The following CNTLN variants were observed in gnomAD, a reference collection of about 807,000 sequenced individuals.
CNTLN encodes centlein, also known as centlein, centrosomal protein.
Under a neutral mutation model 180.0 loss-of-function variants are expected in CNTLN, and 212 were observed. The ratio of observed to expected loss-of-function variants is 1.18; its 90% CI spans 1.05 to 1.32. CNTLN has a LOEUF of 1.32. Among genes scored for constraint, CNTLN ranks in the 40% most tolerant of loss-of-function variants. The pLI, the probability that CNTLN is intolerant of heterozygous loss-of-function variation, is 0.00. For missense variants in CNTLN, 2,095 were observed against 1,610.9 expected (o/e 1.30, Z -5.14); for synonymous variants, 722 against 563.1 (o/e 1.28, Z -3.99).
chr9:17,230,684 G>A (rs1034307913), intron 3 of CNTLN, among the ~76,000 whole-genome samples: 1 of 152,054 alleles, frequency 6.6e-6, no homozygotes, highest in Non-Finnish European at 1.5e-5. Context: ...CTCTGAGTGT[G>A]TTTAAAGATG....
intron 18 of CNTLN, among the ~76,000 whole-genome samples, chr9:17,420,427 T>C (rs1828625423): frequency 6.6e-6 from 1 of 152,214 alleles, no homozygotes; most frequent in Non-Finnish European, 1.5e-5. Context: ...TTTTCACCTC[T>C]GATATTATTT....
At chr9:17,441,641 G>A (rs1830116481) in intron 18 of CNTLN, among the ~76,000 whole-genome samples, 1 of 150,996 alleles carries the variant, frequency 6.6e-6, no homozygotes, top group South Asian at 2.1e-4. Flanking sequence ...AGCAACAGAG[G>A]AAAAGACAGA....
chr9:17,527,229 T>A, the CNTLN span, among the ~76,000 whole-genome samples: 2 of 152,116 alleles, frequency 1.3e-5, no homozygotes, highest in African/African-American at 2.4e-5. Context: ...CACTGTCCAT[T>A]ACTGTGACAC....
At chr9:17,180,188 C>T (rs1292477372) in intron 2 of CNTLN, among the ~76,000 whole-genome samples, 4 of 146,932 alleles carry the variant, frequency 2.7e-5, no homozygotes, top group Non-Finnish European at 6.0e-5. Flanking sequence ...TTAGCATTTA[C>T]GTGTGTCATT....
chr9:17,319,022 G>A (rs989888643), intron 8 of CNTLN, among the ~76,000 whole-genome samples: 12 of 152,234 alleles, frequency 7.9e-5, no homozygotes, highest in Non-Finnish European at 1.8e-4. Flanking sequence ...GTTACAAAAT[G>A]TGTTGTAATT....
chr9:17,233,395 T>A (rs1465190214), intron 3 of CNTLN, among the ~76,000 whole-genome samples: 2 of 152,172 alleles, frequency 1.3e-5, no homozygotes, highest in Admixed American at 6.6e-5. Flanking sequence ...TATAAGTTTA[T>A]TCCTTTAACT....
At chr9:17,339,682 T>C (rs1331043235) in intron 10 of CNTLN, among the ~76,000 whole-genome samples, 1 of 152,238 alleles carries the variant, frequency 6.6e-6, no homozygotes, top group East Asian at 1.9e-4. Context: ...GAATAACAGT[T>C]ATTAAAATAT....
chr9:17,272,025 CCCTTCCTT>C (rs1248902785), intron 5 of CNTLN, among the ~76,000 whole-genome samples: 6 of 144,146 alleles, frequency 4.2e-5, no homozygotes, highest in Admixed American at 3.5e-4. Flanking sequence ...CTCCCTCCCT[CCCTTCCTT>C]CCTTTTTTCC....
chr9:17,146,107 C>G (rs1054423528), intron 2 of CNTLN, among the ~76,000 whole-genome samples: 1 of 152,154 alleles, frequency 6.6e-6, no homozygotes, highest in Non-Finnish European at 1.5e-5. Context: ...TCAACATCAT[C>G]TGTTTATTTG....
At chr9:17,290,853 C>T (rs891129728) in intron 6 of CNTLN, among the ~76,000 whole-genome samples, 5 of 152,212 alleles carry the variant, frequency 3.3e-5, no homozygotes, top group Admixed American at 6.5e-5. Context: ...GGCAATGCCT[C>T]GCCCTGCTTC....
intron 3 of CNTLN, among the ~76,000 whole-genome samples, chr9:17,233,616 G>A (rs576738991): frequency 2.0e-5 from 3 of 152,186 alleles, no homozygotes; most frequent in Admixed American, 1.3e-4. Flanking sequence ...AGTATTGTTT[G>A]TATACCCCTT....
Position 17,162,467 on chromosome 9 carries a change from T to G in CNTLN, c.449+19091T>G, listed in dbSNP as rs1819750893. On this transcript the variant is annotated intron_variant, in intron 2 of 25. Coordinates refer to ENST00000380647, the MANE Select transcript of CNTLN (RefSeq NM_017738.4). ...GTAACAACCAATTCACAGTCCTGCATTTTGAATAGCATTGCCTTAAGTTCC... is the reference window on the plus strand; with the variant it reads ...GTAACAACCAATTCACAGTCCTGCAGTTTGAATAGCATTGCCTTAAGTTCC... 2.6e-5 allele frequency among the ~76,000 whole-genome samples: 4 copies of G among 152,342 alleles called. No individual in the cohort carries two copies. In the South Asian group the frequency reaches 6.2e-4, roughly 24 times the overall value.
Position 17,190,070 on chromosome 9 carries a change from C to T in CNTLN, c.450-36133C>T, listed in dbSNP as rs563607488. Among the ~76,000 whole-genome samples the T allele has an allele frequency of 2.6e-5, 4 of 151,108 alleles. No individual in the cohort carries two copies. The South Asian group carries it at 6.3e-4, about 24-fold the overall frequency. On this transcript the variant is annotated intron_variant, in intron 2 of 25. Transcript: ENST00000380647. ...ATTCTACCTGCCTTGAGCTTCCTTA[C>T]TCCAGTCTGTGTCTGCACAACTTAA...
intron 2 of CNTLN, among the ~76,000 whole-genome samples, chr9:17,214,279 G>C (rs1334648975): frequency 1.3e-5 from 2 of 152,110 alleles, no homozygotes; most frequent in East Asian, 3.9e-4. Context: ...GCATTTGCTT[G>C]TCTGTAAAGT....
chr9:17,164,451 T>A (rs1452188145), intron 2 of CNTLN, among the ~76,000 whole-genome samples: 13 of 148,300 alleles, frequency 8.8e-5, no homozygotes, highest in Admixed American at 8.2e-4. Context: ...AACTCCTTAT[T>A]TTTATGTTTT....
chr9:17,442,991 G>C (rs1409410045), intron 18 of CNTLN, among the ~76,000 whole-genome samples: 4 of 151,142 alleles, frequency 2.6e-5, no homozygotes, highest in African/African-American at 9.9e-5. Flanking sequence ...TTCTTATTCT[G>C]TTAAAAGGTG....
chr9:17,160,271 A>G (rs1004719241), intron 2 of CNTLN, among the ~76,000 whole-genome samples: 1 of 151,748 alleles, frequency 6.6e-6, no homozygotes, highest in African/African-American at 2.4e-5. Flanking sequence ...TTTCTATGGG[A>G]TTTTTCTTTT....
chr9:17,391,162 A>G (rs1021674890), intron 14 of CNTLN, among the ~76,000 whole-genome samples: 7 of 152,196 alleles, frequency 4.6e-5, no homozygotes, highest in African/African-American at 1.4e-4. Flanking sequence ...GGATATGTCT[A>G]TGGTAATAGG....
intron 2 of CNTLN, among the ~76,000 whole-genome samples, chr9:17,220,682 G>A (rs10962914): frequency 1.3e-5 from 2 of 152,168 alleles, no homozygotes; most frequent in Non-Finnish European, 2.9e-5. Flanking sequence ...GCGAGAACAT[G>A]TTGCACATGC....
Sources: gnomAD v4.1 joint callset for allele counts (sites outside exome capture counted in the v4.1 genomes callset) on GRCh38, gnomAD v4.1.1 for gene constraint, MANE v1.5 for transcripts, NCBI Gene and HGNC (gene_info 2026-07-23, HGNC 2026-07-21) for gene names.